The following PRKG1 variants were observed in gnomAD, a reference collection of about 807,000 sequenced individuals.
PRKG1 encodes the protein cGMP-dependent protein kinase 1.
PRKG1 carries 35 observed loss-of-function variants against 88.1 expected under a neutral mutation model. That is an observed-to-expected ratio of 0.40 (90% CI 0.30 to 0.53). The LOEUF is 0.53. Among genes scored for constraint, PRKG1 ranks in the 20% least tolerant of loss-of-function variants. The pLI, the probability that PRKG1 is intolerant of heterozygous loss-of-function variation, is 0.59. For missense variants in PRKG1, 540 were observed against 839.8 expected (o/e 0.64, Z 4.41); for synonymous variants, 303 against 292.5 (o/e 1.04, Z -0.37).
intron 4 of PRKG1, among the ~76,000 whole-genome samples, chr10:51,861,944 A>G (rs571533242): frequency 4.1e-4 from 62 of 152,284 alleles, no homozygotes; most frequent in African/African-American, 1.3e-3. Flanking sequence ...TGATCTGGGC[A>G]TCTGAGCCAG....
At chr10:51,503,126 C>A (rs1049650157) in intron 3 of PRKG1, among the ~76,000 whole-genome samples, 1 of 152,074 alleles carries the variant, frequency 6.6e-6, no homozygotes, top group Non-Finnish European at 1.5e-5. Context: ...CATTGTTAGC[C>A]ATCTTGAACG....
intron 10 of PRKG1, among the ~76,000 whole-genome samples, chr10:52,261,621 G>A (rs762061287): frequency 3.3e-5 from 5 of 152,006 alleles, no homozygotes; most frequent in Admixed American, 1.3e-4. Context: ...AGGCTGTGAC[G>A]AGTTCCTTTT....
chr10:51,980,264 T>C (rs1476413102), intron 5 of PRKG1, among the ~76,000 whole-genome samples: 2 of 152,210 alleles, frequency 1.3e-5, no homozygotes, highest in Non-Finnish European at 2.9e-5. Flanking sequence ...AGCAGGTTAT[T>C]CAATTTCCAT....
chr10:51,638,084 G>T (rs1312345057), intron 3 of PRKG1, among the ~76,000 whole-genome samples: 1 of 152,132 alleles, frequency 6.6e-6, no homozygotes, highest in Non-Finnish European at 1.5e-5. Context: ...CCAATTAAAT[G>T]ATCTTAACAA....
intron 4 of PRKG1, among the ~76,000 whole-genome samples, chr10:51,893,665 A>G (rs1414986526): frequency 1.3e-5 from 2 of 152,212 alleles, no homozygotes; most frequent in Non-Finnish European, 2.9e-5. Context: ...AAGCTAAATG[A>G]CGTGTTCCTT....
chr10:52,109,202 T>C (rs1847498040), intron 7 of PRKG1, among the ~76,000 whole-genome samples: 1 of 152,148 alleles, frequency 6.6e-6, no homozygotes, highest in Admixed American at 6.5e-5. Flanking sequence ...GCTAGGAATA[T>C]AACCAAGAAT....
intron 9 of PRKG1, among the ~76,000 whole-genome samples, chr10:52,216,346 G>A (rs1304133267): frequency 6.6e-6 from 1 of 152,178 alleles, no homozygotes; most frequent in African/African-American, 2.4e-5. Context: ...CTGGGCTGGG[G>A]ATCTTTTGGG....
intron 2 of PRKG1, among the ~76,000 whole-genome samples, chr10:51,281,532 G>T (rs576725135): frequency 6.6e-6 from 1 of 152,180 alleles, no homozygotes; most frequent in Non-Finnish European, 1.5e-5. Context: ...GCTCAGGCTT[G>T]AGTAGGTAAA....
intron 3 of PRKG1, among the ~76,000 whole-genome samples, chr10:51,740,714 AAG>A (rs1405353825): frequency 6.6e-6 from 1 of 152,170 alleles, no homozygotes; most frequent in Non-Finnish European, 1.5e-5. Flanking sequence ...CAAGGACTCT[AAG>A]TGTTCCCTGG....
chr10:51,186,563 G>A (rs1176886013), intron 2 of PRKG1, among the ~76,000 whole-genome samples: 6 of 151,950 alleles, frequency 3.9e-5, no homozygotes. Context: ...GCCAGGAATC[G>A]GGGTGGGGAG....
intron 4 of PRKG1, among the ~76,000 whole-genome samples, chr10:51,898,588 A>T (rs1264251323): frequency 6.6e-6 from 1 of 152,150 alleles, no homozygotes; most frequent in Non-Finnish European, 1.5e-5. Flanking sequence ...TAACTCCAAC[A>T]GTTTGGGAGG....
At chr10:51,649,563 C>T (rs757739268) in intron 3 of PRKG1, among the ~76,000 whole-genome samples, 5 of 152,164 alleles carry the variant, frequency 3.3e-5, no homozygotes, top group Non-Finnish European at 5.9e-5. Flanking sequence ...AGGGCATATT[C>T]GTGTCACCGA....
intron 2 of PRKG1, among the ~76,000 whole-genome samples, chr10:51,185,340 G>T (rs553606669): frequency 1.3e-5 from 2 of 151,970 alleles, no homozygotes; most frequent in East Asian, 1.9e-4. Context: ...TTTTTATTTT[G>T]TACCTTGACT....
chr10:51,049,675 A>G (rs970357839), intron 1 of PRKG1, among the ~76,000 whole-genome samples: 2 of 152,200 alleles, frequency 1.3e-5, no homozygotes, highest in Admixed American at 6.5e-5. Flanking sequence ...TACTACTGCT[A>G]CTACTAATAA....
intron 2 of PRKG1, among the ~76,000 whole-genome samples, chr10:51,312,560 G>A (rs995889378): frequency 6.6e-6 from 1 of 152,092 alleles, no homozygotes; most frequent in African/African-American, 2.4e-5. Context: ...GCCAAATGAG[G>A]TAGGGGTAGG....
intron 4 of PRKG1, among the ~76,000 whole-genome samples, chr10:51,903,887 G>C (rs557734744): frequency 1.3e-5 from 2 of 152,182 alleles, no homozygotes; most frequent in South Asian, 4.1e-4. Context: ...GACTTTCAAG[G>C]TCTCAGTTGT....
intron 3 of PRKG1, among the ~76,000 whole-genome samples, chr10:51,734,998 A>G (rs1589243194): frequency 6.6e-6 from 1 of 152,280 alleles, no homozygotes; most frequent in South Asian, 2.1e-4. Flanking sequence ...TTCTGGAGAT[A>G]TTCAATAAAA....
chr10:51,065,175 A>G (rs1292252613), intron 1 of PRKG1, among the ~76,000 whole-genome samples: 1 of 152,142 alleles, frequency 6.6e-6, no homozygotes. Flanking sequence ...CCAACTCCAA[A>G]TAAAGCAGTC....
chr10:52,239,394 A>T (rs1278815748), intron 9 of PRKG1, among the ~76,000 whole-genome samples: 1 of 148,904 alleles, frequency 6.7e-6, no homozygotes, highest in Admixed American at 6.7e-5. Context: ...TTAATTGGTT[A>T]TGGTTTTTAC....
Sources: gnomAD v4.1 joint callset for allele counts (sites outside exome capture counted in the v4.1 genomes callset) on GRCh38, gnomAD v4.1.1 for gene constraint, MANE v1.5 for transcripts, NCBI Gene and HGNC (gene_info 2026-07-23, HGNC 2026-07-21) for gene names.